CTDSPL: variants seen among roughly 807,000 people sequenced by gnomAD.
CTDSPL encodes CTD small phosphatase like.
A neutral mutation model predicts 30.5 loss-of-function variants in CTDSPL; 8 were observed. The observed-to-expected ratio is 0.26, with a 90% CI of 0.15 to 0.47. CTDSPL has a LOEUF of 0.47. Ranked by LOEUF, CTDSPL falls within the 20% of genes least tolerant of loss-of-function variation. The probability of loss-of-function intolerance (pLI) is 0.99; values close to 1 mark genes in which losing one functional copy is unlikely to be tolerated. For synonymous variants in CTDSPL, 110 were observed against 137.9 expected (o/e 0.80, Z 1.42); for missense variants, 248 against 366.1 (o/e 0.68, Z 2.63).
At chr3:37,964,032 T>TAAAA (rs58061973) in intron 3 of CTDSPL, among the ~76,000 whole-genome samples, 5 of 22,990 alleles carry the variant, frequency 2.2e-4, no homozygotes, top group African/African-American at 2.5e-4. Flanking sequence ...TCTCAGTCAC[T>TAAAA]AAAAAAAAAA....
At chr3:37,913,294 T>G (rs138684069) in intron 1 of CTDSPL, among the ~76,000 whole-genome samples, 3,413 of 152,286 alleles carry the variant, frequency 0.022, 64 homozygotes, top group South Asian at 0.037. Context: ...CACTCCAGCC[T>G]GGGTGACAGA....
chr3:37,879,210 A>T (rs1282047243), intron 1 of CTDSPL, among the ~76,000 whole-genome samples: 1 of 152,252 alleles, frequency 6.6e-6, no homozygotes, highest in Non-Finnish European at 1.5e-5. Context: ...CAGTTCATAT[A>T]GAGATCACAA....
intron 1 of CTDSPL, among the ~76,000 whole-genome samples, chr3:37,890,820 G>A (rs986964473): frequency 6.6e-6 from 1 of 152,172 alleles, no homozygotes; most frequent in African/African-American, 2.4e-5. Flanking sequence ...GGCTGAGCGG[G>A]AGTGTATACC....
chr3:37,964,032 T>TAAAAAAAAAAAAAAAA lies in CTDSPL; in HGVS notation c.268-517_268-502dup. On this transcript the variant is annotated intron_variant, in intron 3 of 7. Transcript: ENST00000273179. The stretch of plus-strand genomic sequence containing the variant: ...CAAGTTTTTTAAAAATCTCAGTCAC[T>TAAAAAAAAAAAAAAAA]AAAAAAAAAAAAAAAAAAAAAAAAA... Among the ~76,000 whole-genome samples the TAAAAAAAAAAAAAAAA allele has an allele frequency of 8.7e-5, 2 of 22,990 alleles. 1 individual carries two copies. 15.1% of individuals were successfully genotyped at this position (22,990 alleles called of 152,430 possible).
At chr3:37,946,960 G>A (rs1699045688) in intron 1 of CTDSPL, 97 bp from the exon 2 acceptor site, 2 of 1,366,352 alleles carry the variant, frequency 1.5e-6, no homozygotes, top group Non-Finnish European at 2.0e-6. Flanking sequence ...TGGAATCTGG[G>A]GTCTGGGGGG....
At position 37,971,514 on chromosome 3, in the gene CTDSPL, C is replaced by T; in HGVS notation, c.519+15C>T. The T allele has an allele frequency of 1.9e-6, 3 of 1,610,756 alleles. No individual in the cohort carries two copies. Among genetic ancestry groups the T allele is most frequent in the Non-Finnish European group, 8.5e-7 (1 of 1,177,454 alleles). On this transcript the variant is annotated intron_variant, in intron 6 of 7. Transcript: ENST00000273179. ...GCTTGGCCAAGGTGAGTCCTGCTTCCCAGCCCCACACTCCCAGCCTGGTAC... is the reference window on the plus strand; with the variant it reads ...GCTTGGCCAAGGTGAGTCCTGCTTCTCAGCCCCACACTCCCAGCCTGGTAC...
At chr3:37,880,537 G>A (rs559929857) in intron 1 of CTDSPL, among the ~76,000 whole-genome samples, 6 of 152,238 alleles carry the variant, frequency 3.9e-5, no homozygotes, top group African/African-American at 1.4e-4. Context: ...GTTGTTTATA[G>A]AACAAATTCT....
chr3:37,927,790 G>A (rs1165742983), intron 1 of CTDSPL, among the ~76,000 whole-genome samples: 1 of 151,052 alleles, frequency 6.6e-6, no homozygotes, highest in African/African-American at 2.4e-5. Flanking sequence ...CAAATCTCTA[G>A]AATTTTTTTA....
In CTDSPL at chr3:37,957,115, A is replaced by C; in HGVS notation, c.239A>C (p.Asp80Ala). The change falls in exon 3 of 8, where the codon GAC becomes GCC. Residue 80 changes from aspartate (D) to alanine (A), a missense_variant. By Grantham distance (126) the Asp-to-Ala change is moderately radical. Around this residue, in one of 4 missense-constraint regions of CTDSPL, gnomAD observed 118 missense variants for 124.7 expected, o/e 0.95. Coordinates refer to ENST00000273179, the MANE Select transcript of CTDSPL (RefSeq NM_001008392.2). Reference sequence around the variant, plus strand: ...TTTTTTTTTCTTTTTCCTCAGGGTGACCAGAGGCAGGTCATTCCCATACCA... The same window carrying C: ...TTTTTTTTTCTTTTTCCTCAGGGTGCCCAGAGGCAGGTCATTCCCATACCA... The part of the protein sequence containing the change: ...VEENGGLQKG[D>A]QRQVIPIPSP... 2 of 1,600,188 alleles carry C rather than the reference A, an allele frequency of 1.2e-6. No homozygotes were observed. The highest frequency in any genetic ancestry group is 1.7e-6 in the Non-Finnish European group (2 of 1,172,100).
chr3:37,862,129 C>T lies in CTDSPL; in HGVS notation c.-71C>T. 1 of 782,604 alleles carries T rather than the reference C, an allele frequency of 1.3e-6. No homozygotes were observed. The highest frequency in any genetic ancestry group is 1.5e-6 in the Non-Finnish European group (1 of 649,708). 48.5% of individuals were successfully genotyped at this position (782,604 alleles called of 1,614,324 possible). A position where few individuals can be genotyped will look rare whatever the true frequency, so the allele number is the denominator to read the frequency against. ...CCCCCCGCGCCGCGCCCCCGCGCCC[C>T]CCGCGCCGCGCCCCCGCGCGCTTGG... On this transcript the variant is annotated 5_prime_UTR_variant, in exon 1 of 8. Transcript: ENST00000273179. This position sits in a 1 kb window ranked among gnomAD's most constrained non-coding sequence, Gnocchi z 4.3.
chr3:37,973,659 G>T (rs1699393177), intron 6 of CTDSPL, among the ~76,000 whole-genome samples: 1 of 152,242 alleles, frequency 6.6e-6, no homozygotes, highest in South Asian at 2.1e-4. Context: ...GAGCCCGCAG[G>T]AACCTCAAGC....
intron 2 of CTDSPL, among the ~76,000 whole-genome samples, chr3:37,949,388 G>A (rs1056258285): frequency 2.6e-5 from 4 of 152,050 alleles, no homozygotes; most frequent in Admixed American, 1.3e-4. Context: ...TTATAATACC[G>A]AAAAATTATA....
intron 1 of CTDSPL, among the ~76,000 whole-genome samples, chr3:37,890,588 A>G (rs1234100164): frequency 6.6e-6 from 1 of 152,194 alleles, no homozygotes; most frequent in African/African-American, 2.4e-5. Flanking sequence ...TAAAAAAGTA[A>G]AAGTTAAAAG....
chr3:37,897,144 A>G (rs182911845), intron 1 of CTDSPL, among the ~76,000 whole-genome samples: 2 of 151,980 alleles, frequency 1.3e-5, no homozygotes, highest in East Asian at 3.9e-4. Flanking sequence ...ATTGTACTGT[A>G]AGATATACAG....
rs924747473 is a variant in CTDSPL at position 37,975,774 on chromosome 3, A to G, written c.585A>G (p.Glu195=). Residue 195 remains glutamate (E), a synonymous_variant, in exon 7 of 8, where the codon GAA becomes GAG. Transcript: ENST00000273179. This position sits in a 1 kb window ranked among gnomAD's most constrained non-coding sequence, Gnocchi z 4.9. ...TGTTCCGGGCCCGGCTCTTCAGAGA[A>G]TCATGTGTTTTTCATCGTGGGAACT... is the stretch of plus-strand genomic sequence containing the variant. The part of the protein sequence containing the change: ...WGVFRARLFR[E]SCVFHRGNYV... The G allele has an allele frequency of 1.2e-6, 2 of 1,613,860 alleles. No homozygotes were observed. The highest frequency in any genetic ancestry group is 1.3e-5 in the African/African-American group (1 of 74,822).
chr3:37,915,463 TC>T (rs377469447), intron 1 of CTDSPL, among the ~76,000 whole-genome samples: 103 of 152,302 alleles, frequency 6.8e-4, no homozygotes, highest in African/African-American at 2.4e-3. Flanking sequence ...TTTTACCCTC[TC>T]ATCTTTATTT....
Position 37,975,667 on chromosome 3 carries a change from T to G in CTDSPL, c.520-42T>G. On this transcript the variant is annotated intron_variant, in intron 6 of 7. Transcript: ENST00000273179. This position sits in a 1 kb window ranked among gnomAD's most constrained non-coding sequence, Gnocchi z 4.9. ...TGCTGTAGTTCAGGGTTTGGGGGGC[T>G]CTTTTAAACACCCAGCCTTCATTGT... 1 of 1,548,666 alleles carries G rather than the reference T, an allele frequency of 6.5e-7. No homozygotes were observed. Among genetic ancestry groups the G allele is most frequent in the South Asian group, 1.2e-5 (1 of 82,668 alleles).
chr3:37,975,820 C>G lies in CTDSPL; in HGVS notation c.631C>G (p.Leu211Val). 1 of 1,614,154 alleles carries G rather than the reference C, an allele frequency of 6.2e-7. No homozygotes were observed. ...GAACTACGTGAAGGACCTGAGTCGC[C>G]TTGGGCGGGAGCTGAGCAAAGTGAT... ...RGNYVKDLSR[L>V]GRELSKVIIV... The change falls in exon 7 of 8, where the codon CTT becomes GTT. Residue 211 changes from leucine (L) to valine (V), a missense_variant. Physicochemically the swap from Leu to Val is conservative, Grantham distance 32 (BLOSUM62 1). Coordinates refer to ENST00000273179, the MANE Select transcript of CTDSPL (RefSeq NM_001008392.2). This position sits in a 1 kb window ranked among gnomAD's most constrained non-coding sequence, Gnocchi z 4.9.
rs1699518983 is a variant in CTDSPL, at chr3:37,983,661, A to C, written c.*2794A>C. 1 of 153,016 alleles carries C rather than the reference A, an allele frequency of 6.5e-6. No individual in the cohort carries two copies. The highest frequency in any genetic ancestry group is 1.5e-5 in the Non-Finnish European group (1 of 68,530). 9.5% of individuals were successfully genotyped at this position (153,016 alleles called of 1,614,324 possible). The stretch of plus-strand genomic sequence containing the variant: ...AGGACACCTTGGGTTTGTGGACTGC[A>C]GCCCACTATGATGTTATTACTTCTC... On this transcript the variant is annotated 3_prime_UTR_variant, in exon 8 of 8. Coordinates refer to ENST00000273179, the MANE Select transcript of CTDSPL (RefSeq NM_001008392.2).
Sources: allele counts gnomAD v4.1 joint callset (sites outside exome capture counted in the v4.1 genomes callset), GRCh38; gene constraint gnomAD v4.1.1; regional missense constraint gnomAD v4.1.1; non-coding constraint Gnocchi (gnomAD v3.1); transcripts MANE v1.5; gene names NCBI Gene and HGNC (gene_info 2026-07-23, HGNC 2026-07-21).